Variants in MYT1L observed in about 807,000 individuals in gnomAD.
MYT1L encodes the protein myelin transcription factor 1-like protein.
MYT1L carries 12 observed loss-of-function variants against 126.7 expected under a neutral mutation model. The observed-to-expected ratio is 0.09, with a 90% CI of 0.06 to 0.15. The LOEUF (loss-of-function observed/expected upper bound fraction) is 0.15. Among genes scored for constraint, MYT1L ranks in the 10% least tolerant of loss-of-function variants. The pLI, the probability that MYT1L is intolerant of heterozygous loss-of-function variation, is 1.00. For missense variants in MYT1L, 979 were observed against 1,585.2 expected, an observed-to-expected ratio of 0.62 and a Z score of 6.49; for synonymous variants, 541 against 604.2, an observed-to-expected ratio of 0.90 and a Z score of 1.53.
Position 2,320,505 on chromosome 2 carries a change from G to A in MYT1L, c.-521+10462C>T, listed in dbSNP as rs75834476. ...AAAAAAAAAAAGAAAAAAAAAGCCAGCAAAGAAAGGAATTTCCCTTGGAGG... is the reference window on the plus strand; with the variant it reads ...AAAAAAAAAAAGAAAAAAAAAGCCAACAAAGAAAGGAATTTCCCTTGGAGG... On this transcript the variant is annotated intron_variant, in intron 1 of 24. Coordinates refer to ENST00000647738, the MANE Select transcript of MYT1L (RefSeq NM_001303052.2). Among the ~76,000 whole-genome samples the A allele has an allele frequency of 7.3e-3, 1,101 of 150,466 alleles. 13 individuals carry two copies. The highest frequency in any genetic ancestry group is 0.025 in the African/African-American group (1,037 of 41,064).
At position 1,811,030 on chromosome 2, in the gene MYT1L, G is replaced by A. The variant is rs1469812828; in HGVS notation, c.3081-1863C>T. ...TGATGGGATCCGTGCCCTTATAACA[G>A]GGACCCAGACAGCTCCTTAACCCCT... On this transcript the variant is annotated intron_variant, in intron 21 of 24. Coordinates refer to ENST00000647738, the MANE Select transcript of MYT1L (RefSeq NM_001303052.2). This position sits in a 1 kb window ranked among gnomAD's most constrained non-coding sequence, Gnocchi z 4.4. 4 of 152,142 alleles carry A rather than the reference G, an allele frequency of 2.6e-5. No homozygotes were observed. Among genetic ancestry groups the A allele is most frequent in the South Asian group, 2.1e-4 (1 of 4,830 alleles). 9.4% of individuals were successfully genotyped at this position (152,142 alleles called of 1,614,324 possible).
intron 8 of MYT1L, among the ~76,000 whole-genome samples, chr2:1,975,661 C>T (rs1453501109): frequency 6.6e-6 from 1 of 152,166 alleles, no homozygotes; most frequent in Non-Finnish European, 1.5e-5. Context: ...GCCAGGAGTT[C>T]GAGAGCACCC....
intron 22 of MYT1L, among the ~76,000 whole-genome samples, chr2:1,805,562 G>T (rs1420620607): frequency 6.6e-6 from 1 of 152,116 alleles, no homozygotes; most frequent in African/African-American, 2.4e-5. Context: ...GAGCAACACA[G>T]GGGGCAACAT....
intron 18 of MYT1L, among the ~76,000 whole-genome samples, chr2:1,870,162 T>A (rs991493562): frequency 6.6e-6 from 1 of 152,206 alleles, no homozygotes; most frequent in Non-Finnish European, 1.5e-5. Flanking sequence ...AAACTATTCA[T>A]TGAAATCATT....
rs886925137 is a variant in MYT1L, at chr2:1,979,959, A to G, written c.1-182T>C. ...GCAATCTAAATGTATTACTCAAACA[A>G]TTATAAACAGACCTTAACCTTGTAG... On this transcript the variant is annotated intron_variant, in intron 5 of 24. Coordinates refer to ENST00000647738, the MANE Select transcript of MYT1L (RefSeq NM_001303052.2). The surrounding 1 kb of genome is among the most constrained non-coding windows in gnomAD (Gnocchi z 4.0). Among the ~76,000 whole-genome samples the G allele has an allele frequency of 6.6e-6, 1 of 152,156 alleles. No homozygotes were observed. The highest frequency in any genetic ancestry group is 2.4e-5 in the African/African-American group (1 of 41,448).
chr2:2,247,711 T>A lies in MYT1L; in HGVS notation c.-421+36693A>T, dbSNP rs755012198. Among the ~76,000 whole-genome samples, 3 of 152,252 alleles carry A rather than the reference T, an allele frequency of 2.0e-5. No homozygotes were observed. The South Asian group carries it at 6.2e-4, about 32-fold the overall frequency. On this transcript the variant is annotated intron_variant, in intron 2 of 24. Transcript: ENST00000647738. The stretch of plus-strand genomic sequence containing the variant: ...ATCACAATGGAATAAAACTAGAAAT[T>A]ATTAACATGAATAATTTTAGAATTT...
At chr2:1,839,428 CT>C (rs1398871612) in intron 20 of MYT1L, 58 bp from the exon 21 acceptor site, 25 of 1,478,482 alleles carry the variant, frequency 1.7e-5, no homozygotes, top group Non-Finnish European at 2.2e-5. Flanking sequence ...CTGGTGGCTT[CT>C]GTAACAAAGT....
intron 11 of MYT1L, among the ~76,000 whole-genome samples, chr2:1,916,542 G>A (rs905945542): frequency 6.6e-6 from 1 of 152,192 alleles, no homozygotes; most frequent in African/African-American, 2.4e-5. Flanking sequence ...AACAAAAAAA[G>A]ATGTATATCA....
chr2:2,072,089 T>C (rs963914159), intron 3 of MYT1L, among the ~76,000 whole-genome samples: 3 of 152,176 alleles, frequency 2.0e-5, no homozygotes, highest in Non-Finnish European at 2.9e-5. Context: ...AAGCTTCCCT[T>C]GAAAGAGGAG....
intron 2 of MYT1L, among the ~76,000 whole-genome samples, chr2:2,246,476 A>G (rs1216143781): frequency 6.6e-6 from 1 of 152,006 alleles, no homozygotes. Flanking sequence ...CCTTTTATAA[A>G]CCCCAAAAGG....
chr2:2,024,954 C>G lies in MYT1L; in HGVS notation c.-157-27607G>C, dbSNP rs115360463. 1.5e-4 allele frequency among the ~76,000 whole-genome samples: 23 copies of G among 152,250 alleles called. 1 individual carries two copies. The highest frequency in any genetic ancestry group is 2.9e-4 in the Non-Finnish European group (20 of 68,046). Reference sequence around the variant, plus strand: ...TTCCGCCTGTCCCACCACAGCTGCCCGTGCCCAGGCCTGACTGTCCCAGCC... The same window carrying G: ...TTCCGCCTGTCCCACCACAGCTGCCGGTGCCCAGGCCTGACTGTCCCAGCC... On this transcript the variant is annotated intron_variant, in intron 4 of 24. Transcript: ENST00000647738.
intron 12 of MYT1L, among the ~76,000 whole-genome samples, chr2:1,911,627 T>C (rs12988893): frequency 0.057 from 8,747 of 152,196 alleles, 279 homozygotes; most frequent in Non-Finnish European, 0.069. Flanking sequence ...GGGGTTTCCA[T>C]AGAATTCCAA....
At chr2:1,884,375 T>G (rs2047927085) in intron 18 of MYT1L, among the ~76,000 whole-genome samples, 1 of 152,212 alleles carries the variant, frequency 6.6e-6, no homozygotes, top group Admixed American at 6.5e-5. Flanking sequence ...GGAATTATTC[T>G]AAAGAAAGTT....
chr2:2,195,239 C>T (rs887404118), intron 2 of MYT1L, among the ~76,000 whole-genome samples: 6 of 152,180 alleles, frequency 3.9e-5, no homozygotes, highest in Non-Finnish European at 8.8e-5. Flanking sequence ...GTCAAAATTG[C>T]ATCATGCGGG....
chr2:2,320,283 A>G (rs2096139100), intron 1 of MYT1L, among the ~76,000 whole-genome samples: 1 of 151,982 alleles, frequency 6.6e-6, no homozygotes, highest in African/African-American at 2.4e-5. Flanking sequence ...GCAGTGTGTC[A>G]AGCCTCATCC....
intron 24 of MYT1L, 133 bp from the exon 25 acceptor site, chr2:1,792,140 TAA>T: frequency 8.4e-7 from 1 of 1,193,130 alleles, no homozygotes; most frequent in African/African-American, 1.5e-5. Context: ...AGAGCACACT[TAA>T]GTTTCTGGGG....
intron 2 of MYT1L, among the ~76,000 whole-genome samples, chr2:2,211,166 A>C (rs1236701671): frequency 6.6e-6 from 1 of 152,232 alleles, no homozygotes; most frequent in East Asian, 1.9e-4. Context: ...ATCATCTGCA[A>C]ATAGGTATAA....
intron 4 of MYT1L, among the ~76,000 whole-genome samples, chr2:2,037,162 G>A (rs936966103): frequency 7.9e-5 from 12 of 152,132 alleles, no homozygotes; most frequent in Admixed American, 6.6e-4. Context: ...TTGCCATCTC[G>A]TTTGTTCCTC....
At chr2:1,873,741 GAC>G (rs2046532675) in intron 18 of MYT1L, among the ~76,000 whole-genome samples, 1 of 152,130 alleles carries the variant, frequency 6.6e-6, no homozygotes, top group African/African-American at 2.4e-5. Context: ...CTGAAAACAT[GAC>G]AGATTTAACA....
Sources: gnomAD v4.1 joint callset for allele counts (sites outside exome capture counted in the v4.1 genomes callset) on GRCh38, gnomAD v4.1.1 for gene constraint, Gnocchi (gnomAD v3.1) non-coding constraint, MANE v1.5 for transcripts, NCBI Gene and HGNC (gene_info 2026-07-23, HGNC 2026-07-21) for gene names.